The following RAP1A variants were observed in gnomAD, a reference collection of about 807,000 sequenced individuals.
RAP1A encodes the protein RAP1A, member of RAS oncogene family.
Under a neutral mutation model 26.4 loss-of-function variants are expected in RAP1A, and 6 were observed. The ratio of observed to expected loss-of-function variants is 0.23; its 90% CI spans 0.12 to 0.45. The LOEUF (loss-of-function observed/expected upper bound fraction) is 0.45. Ranked by LOEUF, RAP1A falls within the 20% of genes least tolerant of loss-of-function variation. RAP1A has a pLI of 0.99. For synonymous variants in RAP1A, 73 were observed against 79.4 expected, an observed-to-expected ratio of 0.92 and a Z score of 0.43; for missense variants, 121 against 217.2, an observed-to-expected ratio of 0.56 and a Z score of 2.78.
chr1:111,589,607 T>C (rs1048724334), intron 1 of RAP1A, among the ~76,000 whole-genome samples: 14 of 152,218 alleles, frequency 9.2e-5, no homozygotes, highest in Admixed American at 2.6e-4. Flanking sequence ...GCTCCATTTC[T>C]ACCTGTTTAA....
chr1:111,632,732 G>C (rs1323731823), intron 1 of RAP1A, among the ~76,000 whole-genome samples: 2 of 151,774 alleles, frequency 1.3e-5, no homozygotes, highest in African/African-American at 4.8e-5. Flanking sequence ...GACCAACATG[G>C]AGAAACCCCG....
At chr1:111,659,839 T>C (rs1452350389) in intron 1 of RAP1A, among the ~76,000 whole-genome samples, 2 of 152,174 alleles carry the variant, frequency 1.3e-5, no homozygotes, top group Non-Finnish European at 2.9e-5. Context: ...CCCACTTTCA[T>C]ATAACATAGC....
upstream of RAP1A, among the ~76,000 whole-genome samples, chr1:111,542,053 T>C (rs978880706): frequency 1.3e-5 from 2 of 151,648 alleles, no homozygotes; most frequent in African/African-American, 4.8e-5. Flanking sequence ...AATACCTCTC[T>C]TAACAGCTTA....
chr1:111,587,387 A>C (rs926403066), intron 1 of RAP1A, among the ~76,000 whole-genome samples: 5 of 152,106 alleles, frequency 3.3e-5, no homozygotes, highest in African/African-American at 9.7e-5. Flanking sequence ...TCCATCAACA[A>C]CACCTAAAAA....
intron 1 of RAP1A, among the ~76,000 whole-genome samples, chr1:111,593,214 C>A (rs1484344354): frequency 6.6e-6 from 1 of 152,158 alleles, no homozygotes; most frequent in African/African-American, 2.4e-5. Flanking sequence ...TAGTAAAAAT[C>A]AGCTAGACAA....
chr1:111,583,084 T>C (rs1658290297), intron 1 of RAP1A, among the ~76,000 whole-genome samples: 1 of 152,108 alleles, frequency 6.6e-6, no homozygotes, highest in Non-Finnish European at 1.5e-5. Context: ...GATTTCTGTA[T>C]TTCCGGATCA....
At chr1:111,581,385 T>C (rs1026905117) in intron 1 of RAP1A, among the ~76,000 whole-genome samples, 1 of 152,204 alleles carries the variant, frequency 6.6e-6, no homozygotes, top group Non-Finnish European at 1.5e-5. Context: ...TTTTTGGCTG[T>C]CACAACTGGG....
At chr1:111,550,962 T>C (rs955436888) in intron 1 of RAP1A, among the ~76,000 whole-genome samples, 3 of 152,272 alleles carry the variant, frequency 2.0e-5, no homozygotes, top group Admixed American at 2.0e-4. Context: ...GGAGTGACTC[T>C]TTTATCATTA....
chr1:111,546,560 T>A (rs944313572), intron 1 of RAP1A, among the ~76,000 whole-genome samples: 2 of 152,198 alleles, frequency 1.3e-5, no homozygotes, highest in East Asian at 1.9e-4. Context: ...CTTAGCATAA[T>A]GTCCTTAAGT....
intron 4 of RAP1A, among the ~76,000 whole-genome samples, chr1:111,702,959 G>T (rs573310945): frequency 6.6e-6 from 1 of 152,324 alleles, no homozygotes; most frequent in South Asian, 2.1e-4. Flanking sequence ...TCTGCCAGTA[G>T]AGATATTGAT....
At chr1:111,555,952 G>A (rs923428797) in intron 1 of RAP1A, among the ~76,000 whole-genome samples, 13 of 152,106 alleles carry the variant, frequency 8.5e-5, no homozygotes, top group African/African-American at 3.1e-4. Context: ...TGCATCAAAG[G>A]ACACTATTGA....
At chr1:111,639,684 G>A (rs185393544) in intron 1 of RAP1A, among the ~76,000 whole-genome samples, 207 of 151,976 alleles carry the variant, frequency 1.4e-3, no homozygotes, top group Non-Finnish European at 2.6e-3. Context: ...TGCACTCACC[G>A]CTAGGATGAA....
rs572497787 is a variant in RAP1A, at chr1:111,713,241, C to T, written c.*840C>T. 2.0e-5 allele frequency: 3 copies of T among 152,412 alleles called. No homozygotes were observed. The highest frequency in any genetic ancestry group is 4.8e-5 in the African/African-American group (2 of 41,566). 9.4% of individuals were successfully genotyped at this position (152,412 alleles called of 1,614,324 possible). Reference sequence around the variant, plus strand: ...TGCAGAACACTGGCTTTAAACTATACTAAGTAACTGGTGATTTCTCTAGGA... The same window carrying T: ...TGCAGAACACTGGCTTTAAACTATATTAAGTAACTGGTGATTTCTCTAGGA... On this transcript the variant is annotated 3_prime_UTR_variant, in exon 8 of 8. Transcript: ENST00000369709.
chr1:111,567,563 G>A (rs1657949821), intron 1 of RAP1A, among the ~76,000 whole-genome samples: 1 of 152,172 alleles, frequency 6.6e-6, no homozygotes, highest in African/African-American at 2.4e-5. Flanking sequence ...AAAGGTAACT[G>A]TATTTGGAAA....
chr1:111,546,995 A>C (rs1464711866), intron 1 of RAP1A, among the ~76,000 whole-genome samples: 6 of 152,258 alleles, frequency 3.9e-5, no homozygotes, highest in African/African-American at 1.4e-4. Context: ...TGTAAAGTGG[A>C]ACAATGCCCA....
At chr1:111,642,647 G>A (rs530892427) in intron 1 of RAP1A, among the ~76,000 whole-genome samples, 78 of 151,014 alleles carry the variant, frequency 5.2e-4, no homozygotes, top group Admixed American at 2.3e-3. Context: ...GCCACCACGC[G>A]CGGCTAGTTT....
At chr1:111,711,917 T>C in intron 7 of RAP1A, among the ~76,000 whole-genome samples, 1 of 152,180 alleles carries the variant, frequency 6.6e-6, no homozygotes, top group Non-Finnish European at 1.5e-5. Context: ...ATTCTTCTGC[T>C]CTTGACTATG....
chr1:111,614,429 C>G (rs779046711), intron 1 of RAP1A, among the ~76,000 whole-genome samples: 5 of 152,148 alleles, frequency 3.3e-5, no homozygotes, highest in Non-Finnish European at 5.9e-5. Context: ...ATGGAAGCTT[C>G]TTTTTATTGA....
intron 6 of RAP1A, among the ~76,000 whole-genome samples, chr1:111,706,427 G>A (rs770983426): frequency 6.6e-6 from 1 of 151,674 alleles, no homozygotes; most frequent in Non-Finnish European, 1.5e-5. Flanking sequence ...AGGACATACT[G>A]CTTGGCTAAA....
Sources: gnomAD v4.1 joint callset for allele counts (sites outside exome capture counted in the v4.1 genomes callset) on GRCh38, gnomAD v4.1.1 for gene constraint, MANE v1.5 for transcripts, NCBI Gene and HGNC (gene_info 2026-07-23, HGNC 2026-07-21) for gene names.